Variants in ADGRL3 observed in about 807,000 individuals in gnomAD.
ADGRL3 encodes the protein adhesion G protein-coupled receptor L3.
In ADGRL3, 62 loss-of-function variants were observed where a neutral mutation model predicts 153.5. The observed-to-expected ratio is 0.40, with a 90% CI of 0.33 to 0.50. The LOEUF is 0.50. ADGRL3 is among the 20% of genes least tolerant of loss of function. The pLI, the probability that ADGRL3 is intolerant of heterozygous loss-of-function variation, is 0.47. For missense variants in ADGRL3, 1,641 were observed against 1,859.4 expected, an observed-to-expected ratio of 0.88 and a Z score of 2.16; for synonymous variants, 710 against 672.5, an observed-to-expected ratio of 1.06 and a Z score of -0.86.
chr4:61,443,804 GA>G lies in ADGRL3; in HGVS notation c.-173-53316del, dbSNP rs113310405. ...TATCAAAATCGTTTCATTGTTAGAT[GA>G]GAGCAATGGTGGGTAATAGACAAAT... is the stretch of plus-strand genomic sequence containing the variant. On this transcript the variant is annotated intron_variant, in intron 2 of 26. Coordinates refer to ENST00000683033, the MANE Select transcript of ADGRL3 (RefSeq NM_001387552.1). Among the ~76,000 whole-genome samples, 990 of 152,276 alleles carry G rather than the reference GA, an allele frequency of 6.5e-3. 11 individuals carry two copies. The highest frequency in any genetic ancestry group is 0.022 in the African/African-American group (921 of 41,558).
chr4:61,642,236 T>C (rs1376147778), intron 5 of ADGRL3, among the ~76,000 whole-genome samples: 1 of 151,986 alleles, frequency 6.6e-6, no homozygotes, highest in Non-Finnish European at 1.5e-5. Context: ...ATTTTGTAGG[T>C]TGCCTGTTCA....
At chr4:61,687,229 C>A (rs1414789408) in intron 6 of ADGRL3, among the ~76,000 whole-genome samples, 1 of 151,626 alleles carries the variant, frequency 6.6e-6, no homozygotes, top group Non-Finnish European at 1.5e-5. Context: ...AGTCTATATT[C>A]TAATTCTCAG....
chr4:61,647,105 G>C lies in ADGRL3; in HGVS notation c.474-29721G>C, dbSNP rs1006420242. On this transcript the variant is annotated intron_variant, in intron 5 of 26. Coordinates refer to ENST00000683033, the MANE Select transcript of ADGRL3 (RefSeq NM_001387552.1). The stretch of plus-strand genomic sequence containing the variant: ...AACTCCCTGACCCCTTGTGCTTCCC[G>C]AGTGAGGCAATGCCTCGCCCTGCTT... Among the ~76,000 whole-genome samples, 18 of 152,074 alleles carry C rather than the reference G, an allele frequency of 1.2e-4. 1 individual carries two copies. The highest frequency in any genetic ancestry group is 4.1e-4 in the African/African-American group (17 of 41,418).
At chr4:61,839,356 A>C (rs1480973620) in intron 9 of ADGRL3, among the ~76,000 whole-genome samples, 1 of 151,484 alleles carries the variant, frequency 6.6e-6, no homozygotes, top group Admixed American at 6.6e-5. Flanking sequence ...ATGCCCAGCT[A>C]ATTTTTTTTT....
intron 2 of ADGRL3, among the ~76,000 whole-genome samples, chr4:61,421,830 T>G (rs2097210985): frequency 6.6e-6 from 1 of 152,280 alleles, no homozygotes; most frequent in Non-Finnish European, 1.5e-5. Context: ...ATGAAGATTT[T>G]AGTATTTATT....
intron 2 of ADGRL3, among the ~76,000 whole-genome samples, chr4:61,409,603 A>G (rs2097058683): frequency 6.6e-6 from 1 of 151,428 alleles, no homozygotes; most frequent in Non-Finnish European, 1.5e-5. Context: ...CTAATTGTGT[A>G]GAGGTCTAAA....
chr4:61,507,411 C>G (rs1386645587), intron 3 of ADGRL3, among the ~76,000 whole-genome samples: 1 of 152,122 alleles, frequency 6.6e-6, no homozygotes, highest in Non-Finnish European at 1.5e-5. Flanking sequence ...AAAAAACCAC[C>G]ATGTCGATTT....
At chr4:62,066,688 A>C in intron 25 of ADGRL3, among the ~76,000 whole-genome samples, 1 of 152,118 alleles carries the variant, frequency 6.6e-6, no homozygotes, top group East Asian at 1.9e-4. Flanking sequence ...CTAAAGCTTT[A>C]AAGAAACATA....
chr4:61,456,546 G>T (rs898509234), intron 2 of ADGRL3, among the ~76,000 whole-genome samples: 10 of 147,352 alleles, frequency 6.8e-5, no homozygotes, highest in African/African-American at 2.5e-4. Flanking sequence ...GGTGCTCAGT[G>T]ACTTACTTAT....
chr4:62,031,739 A>G (rs535410285), intron 23 of ADGRL3, 129 bp downstream of exon 23: 65 of 640,322 alleles, frequency 1.0e-4, no homozygotes, highest in Non-Finnish European at 1.5e-4. Flanking sequence ...CATCATTTAT[A>G]ACAGTAAAGC....
chr4:61,709,180 C>G (rs2095914414), intron 6 of ADGRL3, among the ~76,000 whole-genome samples: 1 of 152,298 alleles, frequency 6.6e-6, no homozygotes, highest in African/African-American at 2.4e-5. Context: ...TATTATTACA[C>G]TCTTCTGACC....
chr4:61,541,936 C>G (rs923193089), intron 4 of ADGRL3, among the ~76,000 whole-genome samples: 1 of 151,958 alleles, frequency 6.6e-6, no homozygotes, highest in African/African-American at 2.4e-5. Flanking sequence ...ATTTTATTCT[C>G]TGTGTGACTA....
At chr4:61,695,096 T>G (rs1186068191) in intron 6 of ADGRL3, among the ~76,000 whole-genome samples, 2 of 152,228 alleles carry the variant, frequency 1.3e-5, no homozygotes, top group African/African-American at 4.8e-5. Flanking sequence ...CCTCAAGGGT[T>G]AGAAGCAACT....
intron 2 of ADGRL3, among the ~76,000 whole-genome samples, chr4:61,391,483 G>A (rs1175860347): frequency 6.6e-6 from 1 of 152,102 alleles, no homozygotes; most frequent in African/African-American, 2.4e-5. Context: ...ATGTTTGGAG[G>A]GGACAAACAT....
chr4:61,200,581 C>T lies in ADGRL3; in HGVS notation c.-1424C>T, dbSNP rs1319726644. ...CCTCCGCTCCGGCAGCTGCTGCCGC[C>T]GCCACCGCCGCCTGTGACTCGCCCC... On this transcript the variant is annotated 5_prime_UTR_variant, in exon 1 of 27. Coordinates refer to ENST00000683033, the MANE Select transcript of ADGRL3 (RefSeq NM_001387552.1). Among the ~76,000 whole-genome samples, 1 of 152,034 alleles carries T rather than the reference C, an allele frequency of 6.6e-6. No individual in the cohort carries two copies. The highest frequency in any genetic ancestry group is 1.5e-5 in the Non-Finnish European group (1 of 68,008).
At chr4:61,965,487 C>T (rs574526029) in intron 17 of ADGRL3, among the ~76,000 whole-genome samples, 21 of 152,156 alleles carry the variant, frequency 1.4e-4, no homozygotes, top group Admixed American at 2.6e-4. Context: ...CGGTGGCTCA[C>T]GCCTGTAATC....
At chr4:61,526,344 G>C (rs903350237) in intron 4 of ADGRL3, among the ~76,000 whole-genome samples, 1 of 151,924 alleles carries the variant, frequency 6.6e-6, no homozygotes, top group Non-Finnish European at 1.5e-5. Flanking sequence ...AGTTTTATGT[G>C]ATAGAAATGA....
At chr4:61,474,777 C>T (rs80332996) in intron 2 of ADGRL3, among the ~76,000 whole-genome samples, 2,097 of 152,150 alleles carry the variant, frequency 0.014, 23 homozygotes, top group Non-Finnish European at 0.019. Context: ...ATTACCAGTT[C>T]TCTGTTATCT....
chr4:61,979,980 A>G (rs2099061928), intron 18 of ADGRL3, among the ~76,000 whole-genome samples: 1 of 152,188 alleles, frequency 6.6e-6, no homozygotes, highest in African/African-American at 2.4e-5. Context: ...TGTATATTTC[A>G]TTTTTAAATA....
Sources: gnomAD v4.1 joint callset for allele counts (sites outside exome capture counted in the v4.1 genomes callset) on GRCh38, gnomAD v4.1.1 for gene constraint, MANE v1.5 for transcripts, NCBI Gene and HGNC (gene_info 2026-07-23, HGNC 2026-07-21) for gene names.